KLRG1: variants seen among roughly 807,000 people sequenced by gnomAD.
KLRG1 encodes killer cell lectin-like receptor subfamily G member 1.
In KLRG1, 16 loss-of-function variants were observed where a neutral mutation model predicts 21.8. That is an observed-to-expected ratio of 0.73 (90% CI 0.50 to 1.11). The LOEUF is 1.11. KLRG1 is among the 50% of genes most tolerant of loss of function. The probability of loss-of-function intolerance (pLI) is 0.00; values close to 1 mark genes in which losing one functional copy is unlikely to be tolerated. For missense variants in KLRG1, 173 were observed against 218.3 expected, an observed-to-expected ratio of 0.79 and a Z score of 1.31; for synonymous variants, 69 against 75.9, an observed-to-expected ratio of 0.91 and a Z score of 0.47.
the KLRG1 span, among the ~76,000 whole-genome samples, chr12:9,052,510 G>C: frequency 6.6e-6 from 1 of 152,176 alleles, no homozygotes; most frequent in African/African-American, 2.4e-5. Context: ...TGCCTTTCCT[G>C]TTTTCTTTGC....
chr12:9,052,193 G>T, the KLRG1 span, among the ~76,000 whole-genome samples: 1 of 152,198 alleles, frequency 6.6e-6, no homozygotes, highest in Non-Finnish European at 1.5e-5. Flanking sequence ...GGACTCCATT[G>T]TATTATCCAA....
chr12:9,079,347 A>G, the KLRG1 span: 1 of 1,607,620 alleles, frequency 6.2e-7, no homozygotes, highest in East Asian at 2.2e-5. Flanking sequence ...AAGGAAGATT[A>G]ACGAAACAGC....
the KLRG1 span, chr12:9,109,496 T>C: frequency 2.1e-6 from 2 of 943,620 alleles, no homozygotes; most frequent in Non-Finnish European, 3.4e-6. Context: ...TCCCTAATAA[T>C]ATTTTAGGGC....
At chr12:9,150,567 T>G in the KLRG1 span, 1 of 971,260 alleles carries the variant, frequency 1.0e-6, no homozygotes, top group Non-Finnish European at 1.6e-6. Flanking sequence ...CTAAGTGGGC[T>G]AAGAAGAGGA....
chr12:9,202,276 C>T, the KLRG1 span: 1 of 1,513,002 alleles, frequency 6.6e-7, no homozygotes, highest in African/African-American at 1.4e-5. Flanking sequence ...GGTGAGTATT[C>T]CCACTCTACC....
chr12:9,027,694 A>G, the KLRG1 span: 6 of 1,097,574 alleles, frequency 5.5e-6, no homozygotes, highest in South Asian at 1.2e-5. Flanking sequence ...TGATTGTTGT[A>G]ATTGCCAAAA....
intron 1 of KLRG1, among the ~76,000 whole-genome samples, chr12:8,982,545 A>G (rs1565542393): frequency 6.6e-6 from 1 of 152,094 alleles, no homozygotes. Context: ...GCTTACTGTA[A>G]TGTGTATATT....
At chr12:9,129,193 T>C in the KLRG1 span, among the ~76,000 whole-genome samples, 1 of 148,822 alleles carries the variant, frequency 6.7e-6, no homozygotes, top group Admixed American at 6.8e-5. Flanking sequence ...TGAAGAACTA[T>C]ATTAAATTAA....
chr12:9,045,680 G>GAGAA, the KLRG1 span, among the ~76,000 whole-genome samples: 1 of 152,110 alleles, frequency 6.6e-6, no homozygotes, highest in Non-Finnish European at 1.5e-5. Context: ...CTCTAAGAAA[G>GAGAA]AGAAAGAAAG....
chr12:8,984,629 A>G (rs1946812520), upstream of KLRG1, among the ~76,000 whole-genome samples: 1 of 152,068 alleles, frequency 6.6e-6, no homozygotes, highest in Non-Finnish European at 1.5e-5. Flanking sequence ...GGTAGTTTCT[A>G]CTTCTCTGAG....
At chr12:9,183,199 T>C in the KLRG1 span, among the ~76,000 whole-genome samples, 2 of 152,216 alleles carry the variant, frequency 1.3e-5, no homozygotes, top group Admixed American at 6.5e-5. Context: ...AGGCTAGCTA[T>C]CTAACACACA....
chr12:9,015,497 C>A (rs1395558048), downstream of KLRG1, among the ~76,000 whole-genome samples: 1 of 152,104 alleles, frequency 6.6e-6, no homozygotes, highest in Non-Finnish European at 1.5e-5. Context: ...GACACTGGAG[C>A]ACCCAGATAT....
At chr12:9,162,740 C>A in the KLRG1 span, 1 of 1,030,322 alleles carries the variant, frequency 9.7e-7, no homozygotes, top group Non-Finnish European at 1.5e-6. Context: ...GTAGGGTTTA[C>A]ACGAATGATG....
At chr12:9,192,830 C>T in the KLRG1 span, 4 of 861,936 alleles carry the variant, frequency 4.6e-6, no homozygotes, top group African/African-American at 5.0e-5. Flanking sequence ...CGGTGTCTTC[C>T]ACTCTAAAAT....
chr12:9,160,299 C>G, the KLRG1 span: 2 of 1,583,500 alleles, frequency 1.3e-6, no homozygotes, highest in Non-Finnish European at 8.6e-7. Flanking sequence ...GTAAATTTTT[C>G]TCTGTCTCAC....
the KLRG1 span, chr12:9,098,497 C>A: frequency 8.1e-7 from 1 of 1,229,960 alleles, no homozygotes; most frequent in Non-Finnish European, 1.1e-6. Flanking sequence ...GCAATTAATT[C>A]CTAGATAAAT....
chr12:9,101,139 C>A, the KLRG1 span: 1 of 1,558,134 alleles, frequency 6.4e-7, no homozygotes, highest in Non-Finnish European at 8.7e-7. Flanking sequence ...GATGGAAATA[C>A]TCACTGTCTT....
the KLRG1 span, chr12:9,202,745 T>G: frequency 6.7e-7 from 1 of 1,485,582 alleles, no homozygotes; most frequent in South Asian, 1.2e-5. Flanking sequence ...TCTGCATTCT[T>G]CAGTCATTGC....
chr12:9,113,526 A>T, the KLRG1 span: 1 of 1,613,706 alleles, frequency 6.2e-7, no homozygotes, highest in Non-Finnish European at 8.5e-7. Flanking sequence ...CAGGGAGGGG[A>T]CCAGAACCAT....
Sources: allele counts gnomAD v4.1 joint callset (sites outside exome capture counted in the v4.1 genomes callset), GRCh38; gene constraint gnomAD v4.1.1; transcripts MANE v1.5; gene names NCBI Gene and HGNC (gene_info 2026-07-23, HGNC 2026-07-21).